Variants in BLTP3A observed in about 807,000 individuals in gnomAD.
The protein encoded by BLTP3A is bridge-like lipid transfer protein family member 3A, also known as ICBP90 binding protein 1.
chr6:34,834,364 T>C, the BLTP3A span: 1 of 1,613,706 alleles, frequency 6.2e-7, no homozygotes, highest in Non-Finnish European at 8.5e-7. Context: ...GGCAGCAGAG[T>C]GACCTTCGCC....
the BLTP3A span, chr6:34,792,133 G>GGCGGCGGCGGCGGCGGCGGCGGCGGCT: frequency 1.1e-6 from 1 of 901,542 alleles, no homozygotes; most frequent in East Asian, 3.3e-5. Flanking sequence ...CCATGGCGGC[G>GGCGGCGGCGGCGGCGGCGGCGGCGGCT]GCGGCGGCTG....
chr6:34,802,326 C>G, the BLTP3A span, among the ~76,000 whole-genome samples: 307 of 151,998 alleles, frequency 2.0e-3, 3 homozygotes, highest in African/African-American at 7.0e-3. Flanking sequence ...CCTGCCTCAG[C>G]CTCCTGAGTA....
the BLTP3A span, among the ~76,000 whole-genome samples, chr6:34,800,424 T>C: frequency 6.6e-6 from 1 of 152,110 alleles, no homozygotes; most frequent in Admixed American, 6.6e-5. Context: ...TGGGAGAAGA[T>C]ATATGTAGTG....
the BLTP3A span, chr6:34,872,319 G>T: frequency 6.2e-7 from 1 of 1,605,672 alleles, no homozygotes; most frequent in South Asian, 1.1e-5. Flanking sequence ...TCAGGTGAAA[G>T]AACTGCCTAT....
the BLTP3A span, among the ~76,000 whole-genome samples, chr6:34,869,301 C>T: frequency 3.9e-5 from 6 of 152,056 alleles, no homozygotes; most frequent in South Asian, 1.2e-3. Context: ...CATGCCTGGC[C>T]CCACCACCTA....
chr6:34,866,050 TCTTATATATTCAC>T, the BLTP3A span, among the ~76,000 whole-genome samples: 1 of 152,092 alleles, frequency 6.6e-6, no homozygotes. Flanking sequence ...CTCCTGGGGT[TCTTATATATTCAC>T]CTTAGACAGC....
the BLTP3A span, among the ~76,000 whole-genome samples, chr6:34,820,814 A>ATTTT: frequency 0.091 from 9,274 of 102,136 alleles, 944 homozygotes; most frequent in African/African-American, 0.24. Context: ...ACCATGCCTA[A>ATTTT]TTTTTTTTTT....
the BLTP3A span, chr6:34,835,503 C>G: frequency 1.6e-5 from 25 of 1,589,910 alleles, no homozygotes; most frequent in Non-Finnish European, 2.1e-5. Context: ...GGGCTAGGGA[C>G]TCAGTAGGCC....
At chr6:34,859,719 G>T in the BLTP3A span, 9 of 1,180,566 alleles carry the variant, frequency 7.6e-6, no homozygotes, top group East Asian at 7.2e-5. Flanking sequence ...TTAATGGGCA[G>T]TTTTCAAGCC....
the BLTP3A span, among the ~76,000 whole-genome samples, chr6:34,832,172 T>G: frequency 6.7e-6 from 1 of 149,378 alleles, no homozygotes; most frequent in Non-Finnish European, 1.5e-5. Context: ...CAGGTTGGAG[T>G]GCAGTGTCAC....
chr6:34,834,476 A>G, the BLTP3A span: 17 of 1,569,842 alleles, frequency 1.1e-5, no homozygotes, highest in African/African-American at 6.8e-5. Flanking sequence ...CTTAAAGGAT[A>G]TTATTCCCAT....
At chr6:34,853,898 T>A in the BLTP3A span, among the ~76,000 whole-genome samples, 1 of 152,150 alleles carries the variant, frequency 6.6e-6, no homozygotes, top group Non-Finnish European at 1.5e-5. Flanking sequence ...TTAAAGGTTA[T>A]GTTCACTACA....
the BLTP3A span, among the ~76,000 whole-genome samples, chr6:34,868,573 A>T: frequency 1.3e-5 from 2 of 151,028 alleles, no homozygotes; most frequent in Non-Finnish European, 1.5e-5. Flanking sequence ...AATACAAAAA[A>T]ATTAGCTAGG....
chr6:34,795,411 T>G, the BLTP3A span, among the ~76,000 whole-genome samples: 31 of 150,018 alleles, frequency 2.1e-4, no homozygotes, highest in East Asian at 6.0e-4. Context: ...TTTGTTTTTT[T>G]TTTTGAGACT....
chr6:34,815,119 A>G, the BLTP3A span, among the ~76,000 whole-genome samples: 1 of 152,230 alleles, frequency 6.6e-6, no homozygotes, highest in Non-Finnish European at 1.5e-5. Context: ...TTCAGATGTT[A>G]TGAAGACCCT....
At chr6:34,857,610 C>A in the BLTP3A span, 1 of 1,447,260 alleles carries the variant, frequency 6.9e-7, no homozygotes, top group Non-Finnish European at 9.4e-7. Context: ...GTTAAACACT[C>A]TGCCCTGTAT....
chr6:34,800,775 A>G, the BLTP3A span, among the ~76,000 whole-genome samples: 1 of 152,098 alleles, frequency 6.6e-6, no homozygotes, highest in African/African-American at 2.4e-5. Context: ...AATAAGATAT[A>G]TTTATATAGT....
chr6:34,816,933 C>T, the BLTP3A span, among the ~76,000 whole-genome samples: 1 of 152,076 alleles, frequency 6.6e-6, no homozygotes, highest in African/African-American at 2.4e-5. Context: ...CTTCCCTGGA[C>T]CACTTAAGAT....
chr6:34,876,721 C>T, the BLTP3A span: 1 of 152,180 alleles, frequency 6.6e-6, no homozygotes, highest in African/African-American at 2.4e-5. Context: ...TCCTTTCAGA[C>T]ACTAAGGCCT....
Sources: gnomAD v4.1 joint callset for allele counts (sites outside exome capture counted in the v4.1 genomes callset) on GRCh38, gnomAD v4.1.1 for gene constraint, MANE v1.5 for transcripts, NCBI Gene and HGNC (gene_info 2026-07-23, HGNC 2026-07-21) for gene names.